The following DPYSL3 variants were observed in gnomAD, a reference collection of about 807,000 sequenced individuals.
DPYSL3 encodes dihydropyrimidinase-related protein 3.
A neutral mutation model predicts 66.1 loss-of-function variants in DPYSL3; 16 were observed. The ratio of observed to expected loss-of-function variants is 0.24; its 90% CI spans 0.16 to 0.37. DPYSL3 has a LOEUF of 0.37. Ranked by LOEUF, DPYSL3 falls within the 10% of genes least tolerant of loss-of-function variation. DPYSL3 has a pLI of 1.00. For synonymous variants in DPYSL3, 338 were observed against 345.1 expected (o/e 0.98, Z 0.23); for missense variants, 738 against 916.2 (o/e 0.81, Z 2.51).
intron 1 of DPYSL3, among the ~76,000 whole-genome samples, chr5:147,500,342 G>A (rs753717098): frequency 1.8e-4 from 28 of 152,098 alleles, no homozygotes; most frequent in Non-Finnish European, 2.5e-4. Flanking sequence ...GGCCAGGTGC[G>A]GTGGCTCACG....
At chr5:147,416,783 AT>A (rs1390730901) in intron 3 of DPYSL3, among the ~76,000 whole-genome samples, 2 of 152,216 alleles carry the variant, frequency 1.3e-5, no homozygotes, top group African/African-American at 4.8e-5. Context: ...TTTGCTACTT[AT>A]TTATCTAAGT....
chr5:147,394,202 G>T (rs1326288988), intron 13 of DPYSL3, 79 bp from the exon 14 acceptor site: 2 of 1,467,502 alleles, frequency 1.4e-6, no homozygotes, highest in Non-Finnish European at 1.9e-6. Flanking sequence ...AGAGAAACTG[G>T]GTTAATTTTA....
At chr5:147,394,802 C>T (rs1423723315) in intron 13 of DPYSL3, among the ~76,000 whole-genome samples, 1 of 152,170 alleles carries the variant, frequency 6.6e-6, no homozygotes, top group African/African-American at 2.4e-5. Context: ...CTAGGTCTCC[C>T]TTACCTCTTT....
intron 5 of DPYSL3, among the ~76,000 whole-genome samples, chr5:147,413,127 C>T (rs911453195): frequency 6.6e-6 from 1 of 152,194 alleles, no homozygotes; most frequent in African/African-American, 2.4e-5. Flanking sequence ...CACCTCTAAG[C>T]AGGAGGCATG....
intron 13 of DPYSL3, among the ~76,000 whole-genome samples, chr5:147,395,088 T>G (rs1028469788): frequency 6.6e-6 from 1 of 152,214 alleles, no homozygotes; most frequent in Non-Finnish European, 1.5e-5. Context: ...GTAGCTAGTG[T>G]TAGCATTATT....
At chr5:147,502,084 T>C (rs1343969809) in intron 1 of DPYSL3, among the ~76,000 whole-genome samples, 1 of 152,086 alleles carries the variant, frequency 6.6e-6, no homozygotes, top group African/African-American at 2.4e-5. Flanking sequence ...ATAAGGCAGA[T>C]TCAGTGTCTG....
At chr5:147,445,264 CT>C (rs1335270500) in intron 1 of DPYSL3, among the ~76,000 whole-genome samples, 1 of 152,248 alleles carries the variant, frequency 6.6e-6, no homozygotes, top group Non-Finnish European at 1.5e-5. Context: ...GATGGACTTT[CT>C]GGCACATGTG....
At chr5:147,494,107 T>G (rs1188854097) in intron 1 of DPYSL3, among the ~76,000 whole-genome samples, 1 of 151,884 alleles carries the variant, frequency 6.6e-6, no homozygotes, top group Non-Finnish European at 1.5e-5. Context: ...GCAGAAGAAT[T>G]GCTTGAACCC....
intron 1 of DPYSL3, among the ~76,000 whole-genome samples, chr5:147,434,334 T>A (rs1309215284): frequency 5.3e-5 from 8 of 152,200 alleles, no homozygotes. Context: ...TACTTGTTTG[T>A]TTTGCTTTGC....
chr5:147,405,813 C>G (rs998330318), intron 7 of DPYSL3, 83 bp from the exon 8 acceptor site: 22 of 1,514,040 alleles, frequency 1.5e-5, no homozygotes, highest in Non-Finnish European at 1.9e-5. Flanking sequence ...TGTGAGGATG[C>G]AGTGCTGCAC....
chr5:147,409,325 T>C (rs1751796589), intron 6 of DPYSL3, among the ~76,000 whole-genome samples: 1 of 152,238 alleles, frequency 6.6e-6, no homozygotes, highest in Non-Finnish European at 1.5e-5. Context: ...ATTGTTTTTG[T>C]AGAAATGCAG....
intron 1 of DPYSL3, among the ~76,000 whole-genome samples, chr5:147,440,649 G>A (rs1464671102): frequency 1.3e-5 from 2 of 152,148 alleles, no homozygotes; most frequent in African/African-American, 4.8e-5. Flanking sequence ...ATCTAATTAT[G>A]CTATCTTTTT....
chr5:147,497,349 A>G (rs1056557552), intron 1 of DPYSL3, among the ~76,000 whole-genome samples: 1 of 152,110 alleles, frequency 6.6e-6, no homozygotes, highest in Admixed American at 6.5e-5. Flanking sequence ...ATGTATACAT[A>G]TGTAATAAAC....
chr5:147,453,181 G>C (rs2126398197), intron 1 of DPYSL3, among the ~76,000 whole-genome samples: 2 of 152,256 alleles, frequency 1.3e-5, no homozygotes, highest in Admixed American at 1.3e-4. Flanking sequence ...AGGATCCTTA[G>C]ACAAAAAGCA....
chr5:147,459,513 G>A (rs1039258771), intron 1 of DPYSL3, among the ~76,000 whole-genome samples: 2 of 151,754 alleles, frequency 1.3e-5, no homozygotes, highest in African/African-American at 2.4e-5. Flanking sequence ...GAAAACCAAA[G>A]AGATGATTCA....
intron 1 of DPYSL3, among the ~76,000 whole-genome samples, chr5:147,495,524 C>T (rs377083906): frequency 3.9e-5 from 6 of 152,222 alleles, no homozygotes; most frequent in East Asian, 1.9e-4. Context: ...AAAATCTCCT[C>T]AAGCTGATAA....
chr5:147,421,636 A>C (rs1008150366), intron 2 of DPYSL3, among the ~76,000 whole-genome samples: 1 of 152,236 alleles, frequency 6.6e-6, no homozygotes, highest in Admixed American at 6.5e-5. Context: ...TAACCAAAAC[A>C]GCATGGTACT....
At position 147,405,763 on chromosome 5, in the gene DPYSL3, A is replaced by T. The variant is rs186217938; in HGVS notation, c.1033-33T>A. 6 of 1,593,400 alleles carry T rather than the reference A, an allele frequency of 3.8e-6. No homozygotes were observed. The Admixed American group carries it at 1.1e-4, about 28-fold the overall frequency. ...AAAAAGTCTCCAGGAGTCAATAGAA[A>T]CATGAACCTCTCAAACTGGTGGCTC... On this transcript the variant is annotated intron_variant, in intron 7 of 13. Transcript: ENST00000343218.
chr5:147,413,668 G>A lies in DPYSL3; in HGVS notation c.821-11C>T. ...TGAAGGAGTTAACCCCTGCAAAAGA[G>A]GGACAGGAGGAAAAACAAGAGAAAG... On this transcript the variant is annotated splice_polypyrimidine_tract_variant and intron_variant, in intron 4 of 13. Coordinates refer to ENST00000343218, the MANE Select transcript of DPYSL3 (RefSeq NM_001197294.2). 1.2e-6 allele frequency: 2 copies of A among 1,604,772 alleles called. No individual in the cohort carries two copies. Among genetic ancestry groups the A allele is most frequent in the Non-Finnish European group, 1.7e-6 (2 of 1,174,804 alleles).
Sources: allele counts gnomAD v4.1 joint callset (sites outside exome capture counted in the v4.1 genomes callset), GRCh38; gene constraint gnomAD v4.1.1; transcripts MANE v1.5; gene names NCBI Gene and HGNC (gene_info 2026-07-23, HGNC 2026-07-21).